Variants in DMXL1 observed in about 807,000 individuals in gnomAD.
DMXL1 encodes the protein Dmx like 1, also known as dmX-like protein 1.
Under a neutral mutation model 319.2 loss-of-function variants are expected in DMXL1, and 99 were observed. The observed-to-expected ratio is 0.31, with a 90% confidence interval of 0.26 to 0.37. The LOEUF is 0.37. Among genes scored for constraint, DMXL1 ranks in the 10% least tolerant of loss-of-function variants. The probability of loss-of-function intolerance (pLI) is 1.00; values close to 1 mark genes in which losing one functional copy is unlikely to be tolerated. For synonymous variants in DMXL1, 1,385 were observed against 1,235.2 expected, an observed-to-expected ratio of 1.12 and a Z score of -2.54; for missense variants, 3,745 against 3,595.6, an observed-to-expected ratio of 1.04 and a Z score of -1.06.
chr5:119,192,374 C>A (rs1778849049), intron 29 of DMXL1, among the ~76,000 whole-genome samples: 1 of 152,122 alleles, frequency 6.6e-6, no homozygotes, highest in Non-Finnish European at 1.5e-5. Flanking sequence ...CACATCAGGA[C>A]AGAAATGTGC....
chr5:119,217,430 A>T (rs548729240), intron 35 of DMXL1, among the ~76,000 whole-genome samples: 1 of 152,184 alleles, frequency 6.6e-6, no homozygotes, highest in Admixed American at 6.5e-5. Flanking sequence ...GTATTTCTTA[A>T]ATTTCTACTT....
intron 41 of DMXL1, among the ~76,000 whole-genome samples, chr5:119,239,353 G>A (rs1788336229): frequency 2.0e-5 from 3 of 152,090 alleles, no homozygotes; most frequent in African/African-American, 7.2e-5. Flanking sequence ...AGTTTGCTTA[G>A]CTTATATATT....
intron 28 of DMXL1, among the ~76,000 whole-genome samples, chr5:119,179,053 G>A (rs1249469733): frequency 1.3e-5 from 2 of 151,908 alleles, no homozygotes; most frequent in Non-Finnish European, 1.5e-5. Context: ...TTATGATTCC[G>A]GCCATTGGAG....
chr5:119,122,147 C>T (rs576964542), intron 9 of DMXL1, among the ~76,000 whole-genome samples: 5 of 134,296 alleles, frequency 3.7e-5, no homozygotes, highest in Admixed American at 7.2e-5. Context: ...CTGACCCCCC[C>T]ACCTCCCTCC....
At chr5:119,184,758 T>G (rs1777397236) in intron 28 of DMXL1, among the ~76,000 whole-genome samples, 1 of 152,198 alleles carries the variant, frequency 6.6e-6, no homozygotes, top group Non-Finnish European at 1.5e-5. Flanking sequence ...TGTGACTGGC[T>G]TATTTCACCT....
intron 9 of DMXL1, among the ~76,000 whole-genome samples, chr5:119,125,984 C>G (rs375265291): frequency 1.3e-5 from 2 of 151,998 alleles, no homozygotes; most frequent in South Asian, 4.1e-4. Flanking sequence ...GAAGAGTCAA[C>G]TGTGTTAGAC....
chr5:119,155,667 T>C (rs1228620932), intron 19 of DMXL1, among the ~76,000 whole-genome samples: 1 of 151,678 alleles, frequency 6.6e-6, no homozygotes, highest in Non-Finnish European at 1.5e-5. Context: ...AGACGCCATC[T>C]CTGAAAAAAA....
chr5:119,110,375 CAT>C, intron 5 of DMXL1, 92 bp downstream of exon 5: 2 of 1,172,148 alleles, frequency 1.7e-6, no homozygotes, highest in Non-Finnish European at 2.3e-6. Context: ...ACCACACTGA[CAT>C]AAAAAGTATT....
At chr5:119,181,870 G>A (rs1237780837) in intron 28 of DMXL1, among the ~76,000 whole-genome samples, 2 of 152,148 alleles carry the variant, frequency 1.3e-5, no homozygotes, top group Non-Finnish European at 2.9e-5. Context: ...AAGAGAAAGG[G>A]AAAGAAGCGA....
At chr5:119,122,927 C>T (rs1002546999) in intron 9 of DMXL1, among the ~76,000 whole-genome samples, 3 of 152,290 alleles carry the variant, frequency 2.0e-5, no homozygotes, top group Non-Finnish European at 2.9e-5. Context: ...GCTGCAATCT[C>T]GGCACTTTGG....
intron 23 of DMXL1, among the ~76,000 whole-genome samples, 188 bp downstream of exon 23, chr5:119,168,052 A>G (rs983457732): frequency 1.3e-5 from 2 of 152,136 alleles, no homozygotes; most frequent in African/African-American, 4.8e-5. Context: ...AGAACGTTGG[A>G]TTTTCTGTTT....
At chr5:119,239,559 A>T (rs915942757) in intron 41 of DMXL1, among the ~76,000 whole-genome samples, 22 of 152,254 alleles carry the variant, frequency 1.4e-4, no homozygotes, top group Non-Finnish European at 3.2e-4. Flanking sequence ...GTGAATACAA[A>T]AAGAAGTTTC....
chr5:119,118,803 T>G lies in DMXL1; in HGVS notation c.744-12T>G, dbSNP rs766779715. ...TTTGTATTTTTGCTTCTAAAATCTT[T>G]TCATTCCTTAGGGCTTCTGTATGTA... On this transcript the variant is annotated splice_polypyrimidine_tract_variant and intron_variant, in intron 7 of 43. Transcript: ENST00000539542. The G allele has an allele frequency of 2.5e-6, 4 of 1,570,550 alleles. No individual in the cohort carries two copies. The Admixed American group carries it at 8.0e-5, about 32-fold the overall frequency.
intron 6 of DMXL1, among the ~76,000 whole-genome samples, chr5:119,115,132 CAT>C (rs1036198462): frequency 6.6e-6 from 1 of 150,916 alleles, no homozygotes; most frequent in African/African-American, 2.5e-5. Context: ...TTTCTTTTCT[CAT>C]GTGTAATATG....
At chr5:119,151,887 A>T (rs201921983) in intron 18 of DMXL1, 42 bp from the exon 19 acceptor site, 19 of 1,256,978 alleles carry the variant, frequency 1.5e-5, no homozygotes, top group Admixed American at 5.7e-5. Context: ...TTTGCTTACA[A>T]TTTTTTTTTT....
intron 1 of DMXL1, among the ~76,000 whole-genome samples, chr5:119,094,851 CTTTTTTTT>C (rs745994850): frequency 2.5e-4 from 34 of 133,936 alleles, no homozygotes; most frequent in African/African-American, 9.0e-4. Context: ...CTTGCACAAT[CTTTTTTTT>C]TTTTTTTTTT....
intron 1 of DMXL1, among the ~76,000 whole-genome samples, chr5:119,087,225 G>C (rs1271313698): frequency 6.6e-6 from 1 of 150,786 alleles, no homozygotes; most frequent in Non-Finnish European, 1.5e-5. Context: ...ATTTGTTCTT[G>C]TTTTTCAAGT....
At chr5:119,217,853 G>A (rs1783956124) in intron 35 of DMXL1, among the ~76,000 whole-genome samples, 1 of 152,036 alleles carries the variant, frequency 6.6e-6, no homozygotes, top group African/African-American at 2.4e-5. Context: ...TGCTATGTCT[G>A]TCTTCTCTGA....
At chr5:119,141,675 TGCCCAAAGTATG>T (rs1338507261) in intron 13 of DMXL1, among the ~76,000 whole-genome samples, 9 of 152,272 alleles carry the variant, frequency 5.9e-5, no homozygotes, top group African/African-American at 2.2e-4. Flanking sequence ...ATGACCATAC[TGCCCAAAGTATG>T]GCCCAAAAAT....
Sources: allele counts gnomAD v4.1 joint callset (sites outside exome capture counted in the v4.1 genomes callset), GRCh38; gene constraint gnomAD v4.1.1; transcripts MANE v1.5; gene names NCBI Gene and HGNC (gene_info 2026-07-23, HGNC 2026-07-21).